Variants in FOXP1 observed in about 807,000 individuals in gnomAD.
The protein encoded by FOXP1 is forkhead box P1.
Under a neutral mutation model 98.2 loss-of-function variants are expected in FOXP1, and 15 were observed. That is an observed-to-expected ratio of 0.15 (90% CI 0.10 to 0.24). FOXP1 has a LOEUF of 0.24. Among genes scored for constraint, FOXP1 ranks in the 10% least tolerant of loss-of-function variants. The probability of loss-of-function intolerance (pLI) is 1.00; values close to 1 mark genes in which losing one functional copy is unlikely to be tolerated. For synonymous variants in FOXP1, 371 were observed against 314.5 expected, an observed-to-expected ratio of 1.18 and a Z score of -1.90; for missense variants, 633 against 848.5, an observed-to-expected ratio of 0.75 and a Z score of 3.15.
intron 6 of FOXP1, among the ~76,000 whole-genome samples, chr3:71,192,723 C>T (rs931520185): frequency 3.3e-5 from 5 of 152,150 alleles, no homozygotes; most frequent in African/African-American, 1.2e-4. Flanking sequence ...GATCTCAGTT[C>T]ACTGCGGCCT....
chr3:71,026,736 C>G (rs2046167188), intron 11 of FOXP1, among the ~76,000 whole-genome samples: 2 of 152,178 alleles, frequency 1.3e-5, no homozygotes, highest in Admixed American at 1.3e-4. Context: ...CCCTTTCCAG[C>G]CACACTGGGC....
chr3:71,444,329 A>G (rs1207000822), intron 3 of FOXP1, among the ~76,000 whole-genome samples: 1 of 151,810 alleles, frequency 6.6e-6, no homozygotes, highest in East Asian at 1.9e-4. Flanking sequence ...AGGTTCTACA[A>G]TGTTGCTCCA....
At chr3:71,225,861 A>AGAAC (rs1219986734) in intron 5 of FOXP1, among the ~76,000 whole-genome samples, 1 of 152,258 alleles carries the variant, frequency 6.6e-6, no homozygotes, top group African/African-American at 2.4e-5. Context: ...GTGCAGAGGA[A>AGAAC]GAACGGGTGC....
At chr3:71,082,542 C>T (rs374438460) in intron 7 of FOXP1, among the ~76,000 whole-genome samples, 28 of 151,000 alleles carry the variant, frequency 1.9e-4, no homozygotes, top group Admixed American at 9.2e-4. Context: ...GGTTGATGGG[C>T]GCAGCAAACC....
At chr3:71,040,101 G>A (rs2048139496) in intron 11 of FOXP1, among the ~76,000 whole-genome samples, 1 of 149,978 alleles carries the variant, frequency 6.7e-6, no homozygotes, top group South Asian at 2.1e-4. Flanking sequence ...GTGTGTGTGT[G>A]TGTATGTATG....
intron 6 of FOXP1, among the ~76,000 whole-genome samples, chr3:71,133,988 G>A (rs1214365091): frequency 6.6e-6 from 1 of 152,068 alleles, no homozygotes; most frequent in Non-Finnish European, 1.5e-5. Context: ...CCCTTAAACG[G>A]GAAGGCTTGG....
intron 4 of FOXP1, among the ~76,000 whole-genome samples, chr3:71,300,315 G>A (rs1489461821): frequency 1.3e-5 from 2 of 152,174 alleles, no homozygotes; most frequent in Non-Finnish European, 2.9e-5. Flanking sequence ...GTTAGGTCTT[G>A]TAGACAAGAT....
intron 2 of FOXP1, among the ~76,000 whole-genome samples, chr3:71,501,384 T>C (rs2041343612): frequency 6.9e-6 from 1 of 145,420 alleles, no homozygotes; most frequent in Non-Finnish European, 1.5e-5. Context: ...CACCTCCGAC[T>C]CCCTGGTTCA....
At chr3:71,494,772 G>A (rs2091293223) in intron 2 of FOXP1, among the ~76,000 whole-genome samples, 2 of 152,080 alleles carry the variant, frequency 1.3e-5, no homozygotes, top group African/African-American at 4.8e-5. Context: ...AAACTACCAG[G>A]AGATGCTGAT....
At chr3:71,484,556 A>C (rs1419694099) in intron 3 of FOXP1, among the ~76,000 whole-genome samples, 1 of 152,232 alleles carries the variant, frequency 6.6e-6, no homozygotes, top group African/African-American at 2.4e-5. Context: ...GGTGTCAAGC[A>C]CTGTATTAAG....
Position 70,977,989 on chromosome 3 carries a change from G to C in FOXP1, c.1187C>G (p.Ser396Trp), listed in dbSNP as rs765161575. The change falls in exon 15 of 21, where the codon TCG becomes TGG. Residue 396 changes from serine (S) to tryptophan (W), a missense_variant. This residue lies in a region of FOXP1 where 141 missense variants were observed against 199.5 expected (regional missense o/e 0.71). Coordinates refer to ENST00000649528, the MANE Select transcript of FOXP1 (RefSeq NM_001349338.3). ...VSSVTLSKSA[S>W]EASPQSLPHT... ...AGGTAAGCTCTGTGGAGAAGCCTCCGATGCGGACTTGGAGAGAGTGACACT... is the reference window on the plus strand; with the variant it reads ...AGGTAAGCTCTGTGGAGAAGCCTCCCATGCGGACTTGGAGAGAGTGACACT... 6.2e-7 allele frequency: 1 copy of C among 1,614,002 alleles called. No individual in the cohort carries two copies. Among genetic ancestry groups the C allele is most frequent in the Non-Finnish European group, 8.5e-7 (1 of 1,179,996 alleles).
At chr3:71,352,470 C>CAAAAAAAAAAAAAAAAAAAA (rs34693899) in intron 4 of FOXP1, among the ~76,000 whole-genome samples, 2 of 67,128 alleles carry the variant, frequency 3.0e-5, no homozygotes, top group Non-Finnish European at 5.1e-5. Context: ...GACTCCATCT[C>CAAAAAAAAAAAAAAAAAAAA]AAAAAAAAAA....
At chr3:71,136,989 T>C (rs951960802) in intron 6 of FOXP1, among the ~76,000 whole-genome samples, 1 of 152,184 alleles carries the variant, frequency 6.6e-6, no homozygotes, top group African/African-American at 2.4e-5. Context: ...AGATCTCAGC[T>C]TCCTTTATGA....
chr3:71,073,451 C>T (rs904180852), intron 7 of FOXP1, among the ~76,000 whole-genome samples: 11 of 152,164 alleles, frequency 7.2e-5, no homozygotes, highest in South Asian at 2.1e-4. Context: ...AACATTCTTA[C>T]GACAACCTAT....
At chr3:71,066,449 A>T (rs1488495786) in intron 7 of FOXP1, among the ~76,000 whole-genome samples, 1 of 152,204 alleles carries the variant, frequency 6.6e-6, no homozygotes, top group Non-Finnish European at 1.5e-5. Context: ...CCTCTCATGA[A>T]TATTCAACAG....
At position 71,363,127 on chromosome 3, in the gene FOXP1, T is replaced by TAA. The variant is rs61474468; in HGVS notation, c.-167-3885_-167-3884dup. On this transcript the variant is annotated intron_variant, in intron 3 of 20. Coordinates refer to ENST00000649528, the MANE Select transcript of FOXP1 (RefSeq NM_001349338.3). The stretch of plus-strand genomic sequence containing the variant: ...TAATCATGATGTAAATGAATAACTT[T>TAA]AAAAAAAAAAGGTGTGTTTAGATCT... Among the ~76,000 whole-genome samples the TAA allele has an allele frequency of 7.3e-3, 1,076 of 147,680 alleles. 14 individuals carry two copies. The highest frequency in any genetic ancestry group is 0.025 in the African/African-American group (1,026 of 40,590).
At chr3:71,482,367 C>CTTTTTT (rs11464442) in intron 3 of FOXP1, among the ~76,000 whole-genome samples, 2 of 114,156 alleles carry the variant, frequency 1.8e-5, no homozygotes, top group East Asian at 2.4e-4. Flanking sequence ...AATACATAAC[C>CTTTTTT]TTTTTTTTTT....
At chr3:71,239,885 C>T (rs2067104515) in intron 5 of FOXP1, among the ~76,000 whole-genome samples, 1 of 152,114 alleles carries the variant, frequency 6.6e-6, no homozygotes, top group South Asian at 2.1e-4. Context: ...CTGAGTGAGC[C>T]CTATGTACAA....
intron 3 of FOXP1, among the ~76,000 whole-genome samples, chr3:71,459,692 C>T (rs2087836846): frequency 6.6e-6 from 1 of 152,098 alleles, no homozygotes; most frequent in Non-Finnish European, 1.5e-5. Context: ...AATTCAAATA[C>T]AGCTAAAATA....
Sources: allele counts gnomAD v4.1 joint callset (sites outside exome capture counted in the v4.1 genomes callset), GRCh38; gene constraint gnomAD v4.1.1; regional missense constraint gnomAD v4.1.1; transcripts MANE v1.5; gene names NCBI Gene and HGNC (gene_info 2026-07-23, HGNC 2026-07-21).